RIMS2: variants seen among roughly 807,000 people sequenced by gnomAD.
The protein encoded by RIMS2 is regulating synaptic membrane exocytosis protein 2.
A neutral mutation model predicts 174.4 loss-of-function variants in RIMS2; 59 were observed. The observed-to-expected ratio is 0.34, with a 90% CI of 0.27 to 0.42. The LOEUF is 0.42. Ranked by LOEUF, RIMS2 falls within the 10% of genes least tolerant of loss-of-function variation. RIMS2 has a pLI of 1.00. For missense variants in RIMS2, 1,620 were observed against 1,666.3 expected, an observed-to-expected ratio of 0.97 and a Z score of 0.48; for synonymous variants, 606 against 572.5, an observed-to-expected ratio of 1.06 and a Z score of -0.84.
chr8:103,910,541 G>C lies in RIMS2; in HGVS notation c.1692+340G>C, dbSNP rs1162786093. On this transcript the variant is annotated intron_variant, in intron 5 of 23. Transcript: ENST00000504942. The stretch of plus-strand genomic sequence containing the variant: ...GCCATAGTGATAAGGTACTGAGATT[G>C]TGGAGCCTGCCTTTTAACCTGCTCA... 6.5e-7 allele frequency: 1 copy of C among 1,534,704 alleles called. No individual in the cohort carries two copies. The highest frequency in any genetic ancestry group is 8.9e-7 in the Non-Finnish European group (1 of 1,123,000).
intron 19 of RIMS2, among the ~76,000 whole-genome samples, chr8:104,090,721 T>G (rs1259387052): frequency 1.3e-5 from 2 of 151,762 alleles, no homozygotes; most frequent in Non-Finnish European, 3.0e-5. Flanking sequence ...CCTGGCCAAA[T>G]GGGGAAGGTG....
intron 4 of RIMS2, among the ~76,000 whole-genome samples, chr8:103,887,808 C>G (rs2099214020): frequency 6.6e-6 from 1 of 151,336 alleles, no homozygotes; most frequent in African/African-American, 2.4e-5. Context: ...AAATAACTAA[C>G]AAGAAATGAG....
chr8:103,782,887 C>G (rs2098405027), intron 3 of RIMS2, among the ~76,000 whole-genome samples: 1 of 152,000 alleles, frequency 6.6e-6, no homozygotes, highest in South Asian at 2.1e-4. Flanking sequence ...GAAAATAACT[C>G]TTTGTGGAAT....
chr8:103,900,424 GT>G (rs961662193), intron 4 of RIMS2, among the ~76,000 whole-genome samples: 7 of 148,644 alleles, frequency 4.7e-5, no homozygotes, highest in African/African-American at 1.8e-4. Flanking sequence ...GGATTTCACT[GT>G]GTTGGCCAGG....
At chr8:103,842,183 C>T (rs1176882692) in intron 3 of RIMS2, among the ~76,000 whole-genome samples, 1 of 152,038 alleles carries the variant, frequency 6.6e-6, no homozygotes, top group Non-Finnish European at 1.5e-5. Context: ...TTTCTATTGA[C>T]TCTCCTTATA....
chr8:104,013,329 C>A, intron 17 of RIMS2, 113 bp from the exon 20 acceptor site: 1 of 824,820 alleles, frequency 1.2e-6, no homozygotes, highest in Non-Finnish European at 1.8e-6. Context: ...AAAATTTTTA[C>A]ATACTCCATA....
At chr8:103,534,330 T>G (rs1181369541) in intron 1 of RIMS2, among the ~76,000 whole-genome samples, 2 of 152,240 alleles carry the variant, frequency 1.3e-5, no homozygotes, top group Admixed American at 6.5e-5. Flanking sequence ...GCTCAGACTA[T>G]AGTATCAACC....
chr8:103,856,888 C>A (rs1050053083), intron 3 of RIMS2, among the ~76,000 whole-genome samples: 2 of 151,756 alleles, frequency 1.3e-5, no homozygotes, highest in African/African-American at 4.8e-5. Flanking sequence ...CTCATTGCAA[C>A]CTCCGCCTCT....
intron 3 of RIMS2, among the ~76,000 whole-genome samples, chr8:103,883,825 T>G (rs1353833416): frequency 6.6e-6 from 1 of 151,848 alleles, no homozygotes; most frequent in Non-Finnish European, 1.5e-5. Context: ...GGCAAACTCC[T>G]GTTAATTGGC....
chr8:103,942,893 C>T lies in RIMS2; in HGVS notation c.2668C>T (p.Leu890Phe), dbSNP rs374100372. 1.9e-6 allele frequency: 3 copies of T among 1,612,622 alleles called. No homozygotes were observed. In the South Asian group the frequency reaches 3.3e-5, roughly 18 times the overall value. ...TTCTCCATATATGCCACGAAGACAGCTCCATGGAGAGAGCCCAACACGGAG... is the reference window on the plus strand; with the variant it reads ...TTCTCCATATATGCCACGAAGACAGTTCCATGGAGAGAGCCCAACACGGAG... Residue 890 changes from leucine to phenylalanine, a missense_variant, in exon 14 of 24, where the codon CTC becomes TTC. Transcript: ENST00000504942.
At position 104,036,931 on chromosome 8, in the gene RIMS2, A is replaced by T. The variant is rs72683165; in HGVS notation, c.3334+22316A>T. Among the ~76,000 whole-genome samples, 104 of 152,312 alleles carry T rather than the reference A, an allele frequency of 6.8e-4. 1 individual carries two copies. Among genetic ancestry groups the T allele is most frequent in the Non-Finnish European group, 1.2e-3 (80 of 68,016 alleles). The stretch of plus-strand genomic sequence containing the variant: ...TTTTATGTAAGTATAGTGAATTTTT[A>T]AAAATAGCAAAGTATTTGAAAATAC... On this transcript the variant is annotated intron_variant, in intron 19 of 23. Coordinates refer to ENST00000504942, the Ensembl canonical transcript of RIMS2.
chr8:103,555,800 CA>C (rs35932194), intron 1 of RIMS2, among the ~76,000 whole-genome samples: 17,597 of 135,330 alleles, frequency 0.13, 1,060 homozygotes, highest in Middle Eastern at 0.26. Context: ...CTCTCTCTCT[CA>C]AAAAAAAAAA....
chr8:103,763,754 A>G (rs916765785), intron 2 of RIMS2, among the ~76,000 whole-genome samples: 17 of 152,180 alleles, frequency 1.1e-4, no homozygotes, highest in African/African-American at 4.1e-4. Context: ...TTAACAGATG[A>G]GGAAAATTAA....
intron 19 of RIMS2, among the ~76,000 whole-genome samples, chr8:104,108,333 T>C (rs1247094026): frequency 2.0e-5 from 3 of 152,156 alleles, no homozygotes; most frequent in Non-Finnish European, 4.4e-5. Flanking sequence ...ATATGATTAC[T>C]GCATGCCATA....
intron 19 of RIMS2, among the ~76,000 whole-genome samples, chr8:104,232,135 C>T (rs1225589346): frequency 2.0e-5 from 3 of 152,222 alleles, no homozygotes; most frequent in Non-Finnish European, 4.4e-5. Flanking sequence ...TTATCTCCCA[C>T]AGTACCTTAC....
chr8:103,585,836 G>A (rs756010733), intron 1 of RIMS2, among the ~76,000 whole-genome samples: 5 of 151,316 alleles, frequency 3.3e-5, no homozygotes, highest in Admixed American at 6.6e-5. Flanking sequence ...CATGACACAT[G>A]TATACCTGTG....
At position 103,555,347 on chromosome 8, in the gene RIMS2, T is replaced by A. The variant is rs970214066; in HGVS notation, c.176+54285T>A. Among the ~76,000 whole-genome samples, 8 of 152,000 alleles carry A rather than the reference T, an allele frequency of 5.3e-5. 1 individual carries two copies. The highest frequency in any genetic ancestry group is 3.2e-3 in the Middle Eastern group (1 of 316). On this transcript the variant is annotated intron_variant, in intron 1 of 23. Coordinates refer to ENST00000504942, the Ensembl canonical transcript of RIMS2. ...ACCTCACAACTATTAGAATGACTAC[T>A]ATAAAAAAGGTAAAATATATGTTTT...
intron 16 of RIMS2, among the ~76,000 whole-genome samples, chr8:103,978,529 A>G (rs902243054): frequency 2.6e-5 from 4 of 152,250 alleles, no homozygotes; most frequent in African/African-American, 9.6e-5. Context: ...GAAAGGGTCA[A>G]ACTGCAGCTA....
In RIMS2 at chr8:104,052,332, T is replaced by C. The variant is rs185549192; in HGVS notation, c.3334+37717T>C. Among the ~76,000 whole-genome samples, 104 of 152,256 alleles carry C rather than the reference T, an allele frequency of 6.8e-4. 1 individual carries two copies. Among genetic ancestry groups the C allele is most frequent in the Admixed American group, 6.8e-3 (104 of 15,278 alleles). ...ATATGTTACTCAAATGGTTCTAATA[T>C]GCTAATAGAAAAAATAATTTACCTA... On this transcript the variant is annotated intron_variant, in intron 19 of 23. Coordinates refer to ENST00000504942, the Ensembl canonical transcript of RIMS2.
Sources: gnomAD v4.1 joint callset for allele counts (sites outside exome capture counted in the v4.1 genomes callset) on GRCh38, gnomAD v4.1.1 for gene constraint, MANE v1.5 for transcripts, NCBI Gene and HGNC (gene_info 2026-07-23, HGNC 2026-07-21) for gene names.